BIRC6: variants seen among roughly 807,000 people sequenced by gnomAD.
BIRC6 encodes the protein dual E2 ubiquitin-conjugating enzyme/E3 ubiquitin-protein ligase BIRC6.
In BIRC6, 98 loss-of-function variants were observed where a neutral mutation model predicts 503.3. The ratio of observed to expected loss-of-function variants is 0.19; its 90% CI spans 0.17 to 0.23. BIRC6 has a LOEUF of 0.23. BIRC6 is among the 10% of genes least tolerant of loss of function. BIRC6 has a pLI of 1.00. For missense variants in BIRC6, 5,360 were observed against 5,806.0 expected (o/e 0.92, Z 2.50); for synonymous variants, 2,240 against 2,078.7 (o/e 1.08, Z -2.11).
Position 32,416,065 on chromosome 2 carries a change from A to C in BIRC6, c.2774A>C (p.Lys925Thr), listed in dbSNP as rs2042345099. 3 of 1,613,826 alleles carry C rather than the reference A, an allele frequency of 1.9e-6. No individual in the cohort carries two copies. Among genetic ancestry groups the C allele is most frequent in the South Asian group, 1.1e-5 (1 of 91,080 alleles). ...LDLSNFEILA[K>T]VEPPKKEGTE... ...CTTTCAAACTTTGAAATTTTGGCCAAAGTGGAGCCTCCCAAAAAGGAGGGC... is the reference window on the plus strand; with the variant it reads ...CTTTCAAACTTTGAAATTTTGGCCACAGTGGAGCCTCCCAAAAAGGAGGGC... Residue 925 changes from lysine (K) to threonine (T), a missense_variant, in exon 10 of 74, where the codon AAA becomes ACA. Around this residue, in one of 16 missense-constraint regions of BIRC6, gnomAD observed 700 missense variants for 739.3 expected, o/e 0.95. Transcript: ENST00000421745.
rs1038185175 is a variant in BIRC6 at position 32,415,091 on chromosome 2, A to G, written c.1800A>G (p.Glu600=). 1 of 1,613,936 alleles carries G rather than the reference A, an allele frequency of 6.2e-7. No homozygotes were observed. Among genetic ancestry groups the G allele is most frequent in the Non-Finnish European group, 8.5e-7 (1 of 1,179,846 alleles). ...SLDGLSRTQG[E]SISEQGSTDN... ...ATGGTTTAAGCAGAACTCAGGGTGA[A>G]AGTATATCAGAACAAGGGTCAACTG... The change falls in exon 10 of 74, where the codon GAA becomes GAG. Residue 600 remains glutamate, a synonymous_variant. Transcript: ENST00000421745.
At chr2:32,580,028 A>G (rs1035661269) in intron 66 of BIRC6, among the ~76,000 whole-genome samples, 1 of 145,812 alleles carries the variant, frequency 6.9e-6, no homozygotes. Context: ...ATCTCGGCTC[A>G]CTGCAACCTC....
In BIRC6 at chr2:32,436,171, C is replaced by T. The variant is rs1404347078; in HGVS notation, c.3618C>T (p.Pro1206=). The change falls in exon 15 of 74, where the codon CCC becomes CCT. Residue 1206 remains proline (P), a synonymous_variant. Transcript: ENST00000421745. ...CTGGAATGTTGACGTTAACAAGCCC[C>T]AAACTTGTTAAAGGTGAAGTAATAC... is the stretch of plus-strand genomic sequence containing the variant. The part of the protein sequence containing the change: ...GHAGMLTLTS[P]KLVKGMAGGK... The T allele has an allele frequency of 6.9e-7, 1 of 1,444,518 alleles. No homozygotes were observed. The allele number at this position is 1,444,518 out of a possible 1,614,324, so 89.5% of individuals were successfully genotyped here.
intron 65 of BIRC6, among the ~76,000 whole-genome samples, chr2:32,561,643 T>G (rs1422090474): frequency 6.6e-6 from 1 of 151,136 alleles, no homozygotes; most frequent in African/African-American, 2.4e-5. Flanking sequence ...ATATTCAAGG[T>G]TTTTTTTGAA....
chr2:32,495,790 G>GTTTTTTTTTTT (rs11464835), intron 45 of BIRC6, among the ~76,000 whole-genome samples: 1 of 84,812 alleles, frequency 1.2e-5, no homozygotes, highest in Non-Finnish European at 2.2e-5. Flanking sequence ...TCAGGATGAA[G>GTTTTTTTTTTT]TTTTTTTTTT....
chr2:32,395,406 T>C lies in BIRC6; in HGVS notation c.952-105T>C. On this transcript the variant is annotated intron_variant, in intron 5 of 73. Transcript: ENST00000421745. ...TATAGGCTAATTTTCTTATTTTCAG[T>C]ATAGAATTTTACTTAAAATTATGAA... The C allele has an allele frequency of 9.4e-6, 8 of 847,416 alleles. No individual in the cohort carries two copies. The South Asian group carries it at 1.1e-4, about 12-fold the overall frequency. The allele number at this position is 847,416 out of a possible 1,614,324, so 52.5% of individuals were successfully genotyped here. A position where few individuals can be genotyped will look rare whatever the true frequency, so the allele number is the denominator to read the frequency against.
chr2:32,515,012 T>C lies in BIRC6; in HGVS notation c.10591T>C (p.Ser3531Pro). 6.2e-7 allele frequency: 1 copy of C among 1,613,738 alleles called. No individual in the cohort carries two copies. The highest frequency in any genetic ancestry group is 8.5e-7 in the Non-Finnish European group (1 of 1,179,672). ...TAGGTTACTTTTTAATTGGTCCATG[T>C]CTCTTCCCTGCAATATGGTTTTGAA... ...LFELLFNWSM[S>P]LPCNMVLKKA... Residue 3531 changes from serine to proline, a missense_variant, in exon 55 of 74, where the codon TCT becomes CCT. Ser to Pro is a moderately conservative substitution (Grantham distance 74). This residue lies in a region of BIRC6 where 878 missense variants were observed against 928.9 expected (regional missense o/e 0.95). Transcript: ENST00000421745.
intron 59 of BIRC6, chr2:32,528,076 C>G (rs750937006): frequency 2.0e-5 from 3 of 152,288 alleles, no homozygotes; most frequent in Non-Finnish European, 2.9e-5. Context: ...CAGAATGTCT[C>G]TTCATCCCCC....
intron 40 of BIRC6, 45 bp from the exon 41 acceptor site, chr2:32,487,602 T>C (rs1471019214): frequency 2.6e-6 from 4 of 1,559,584 alleles, no homozygotes; most frequent in Non-Finnish European, 3.5e-6. Context: ...TTAACACATA[T>C]CCTGATACTT....
chr2:32,454,083 G>A, intron 23 of BIRC6, 141 bp downstream of exon 23: 1 of 702,994 alleles, frequency 1.4e-6, no homozygotes, highest in Non-Finnish European at 2.2e-6. Context: ...GGGCATTTGG[G>A]GGAAATATAA....
intron 66 of BIRC6, among the ~76,000 whole-genome samples, chr2:32,577,655 G>C (rs1573137451): frequency 6.6e-6 from 1 of 152,044 alleles, no homozygotes; most frequent in African/African-American, 2.4e-5. Context: ...GTGCCTCTTT[G>C]GTCTATTTGC....
intron 72 of BIRC6, among the ~76,000 whole-genome samples, chr2:32,608,707 GC>G (rs1406149106): frequency 6.6e-6 from 1 of 151,564 alleles, no homozygotes; most frequent in African/African-American, 2.4e-5. Flanking sequence ...GTGAGCCACC[GC>G]CCCGGCCTAT....
chr2:32,402,452 GTCAGTGATT>G (rs1207262065), intron 8 of BIRC6, among the ~76,000 whole-genome samples: 1 of 152,198 alleles, frequency 6.6e-6, no homozygotes, highest in Non-Finnish European at 1.5e-5. Flanking sequence ...TTACTCTGTA[GTCAGTGATT>G]TATCATTTTA....
At chr2:32,536,521 A>G (rs954197979) in intron 61 of BIRC6, among the ~76,000 whole-genome samples, 2 of 152,240 alleles carry the variant, frequency 1.3e-5, no homozygotes, top group Non-Finnish European at 2.9e-5. Context: ...AGCTTTCTAC[A>G]TATGGCTAGC....
chr2:32,401,928 T>C (rs1044560191), intron 8 of BIRC6, among the ~76,000 whole-genome samples: 1 of 152,166 alleles, frequency 6.6e-6, no homozygotes, highest in Non-Finnish European at 1.5e-5. Flanking sequence ...TGAAATGAAA[T>C]TCTATTGTAG....
At chr2:32,374,597 C>T (rs377006228) in intron 1 of BIRC6, among the ~76,000 whole-genome samples, 50 of 151,840 alleles carry the variant, frequency 3.3e-4, no homozygotes, top group East Asian at 2.3e-3. Flanking sequence ...CTCAGCCTCC[C>T]GAGTAGCTGG....
Position 32,401,502 on chromosome 2 carries a change from A to G in BIRC6, c.1297A>G (p.Ile433Val), listed in dbSNP as rs771735619. ...TGAAATTAATGCCTATGATCCAGCA[A>G]TTGTACAACAGCTTATTCTATCAGG... Reference protein sequence around the residue: ...KFEINAYDPAIVQQLILSGDP... With the variant: ...KFEINAYDPAVVQQLILSGDP... Residue 433 changes from isoleucine (I) to valine (V), a missense_variant, in exon 8 of 74, where the codon ATT (isoleucine) becomes GTT (valine). Transcript: ENST00000421745. The G allele has an allele frequency of 6.2e-7, 1 of 1,614,004 alleles. No individual in the cohort carries two copies. The highest frequency in any genetic ancestry group is 8.5e-7 in the Non-Finnish European group (1 of 1,179,870).
At chr2:32,608,754 C>G (rs990163921) in intron 72 of BIRC6, among the ~76,000 whole-genome samples, 1 of 152,108 alleles carries the variant, frequency 6.6e-6, no homozygotes, top group African/African-American at 2.4e-5. Flanking sequence ...TACTAGCAAA[C>G]TCTCTAAATA....
intron 65 of BIRC6, among the ~76,000 whole-genome samples, chr2:32,568,989 T>C (rs1363047034): frequency 6.7e-6 from 1 of 149,734 alleles, no homozygotes; most frequent in African/African-American, 2.5e-5. Flanking sequence ...TCTCTCTTTT[T>C]TTTTTTTTTT....
Sources: gnomAD v4.1 joint callset for allele counts (sites outside exome capture counted in the v4.1 genomes callset) on GRCh38, gnomAD v4.1.1 for gene constraint, gnomAD v4.1.1 regional missense constraint, MANE v1.5 for transcripts, NCBI Gene and HGNC (gene_info 2026-07-23, HGNC 2026-07-21) for gene names.